The following WDR54 variants were observed in gnomAD, a reference collection of about 807,000 sequenced individuals.
The protein encoded by WDR54 is WD repeat-containing protein 54.
Under a neutral mutation model 44.1 loss-of-function variants are expected in WDR54, and 44 were observed. The ratio of observed to expected loss-of-function variants is 1.00; its 90% confidence interval spans 0.78 to 1.28. WDR54 has a LOEUF of 1.28. Ranked by LOEUF, WDR54 falls within the 50% of genes most tolerant of loss-of-function variation. WDR54 has a pLI of 0.00. For synonymous variants in WDR54, 169 were observed against 169.8 expected, an observed-to-expected ratio of 1.00 and a Z score of 0.04; for missense variants, 409 against 429.7, an observed-to-expected ratio of 0.95 and a Z score of 0.43.
intron 5 of WDR54, 64 bp from the exon 6 acceptor site, chr2:74,423,791 G>A (rs1414402180): frequency 1.3e-6 from 2 of 1,594,848 alleles, no homozygotes; most frequent in Non-Finnish European, 1.7e-6. Flanking sequence ...TAAGTGTTGA[G>A]TATGGTGGCT....
At chr2:74,424,010 G>T in intron 6 of WDR54, 28 bp downstream of exon 6, 1 of 1,613,434 alleles carries the variant, frequency 6.2e-7, no homozygotes, top group Non-Finnish European at 8.5e-7. Flanking sequence ...ACCCATCTGG[G>T]AGCCTTCCCC....
chr2:74,422,113 T>C, intron 1 of WDR54, 40 bp from the exon 2 acceptor site: 1 of 1,595,296 alleles, frequency 6.3e-7, no homozygotes, highest in Non-Finnish European at 8.6e-7. Context: ...GCTGCGTCTG[T>C]TTGTAGCGCG....
chr2:74,425,430 G>A lies in WDR54; in HGVS notation c.812G>A (p.Gly271Asp), dbSNP rs773792293. 1.9e-6 allele frequency: 3 copies of A among 1,614,216 alleles called. No homozygotes were observed. The Admixed American group carries it at 5.0e-5, about 27-fold the overall frequency. Residue 271 changes from glycine to aspartate, a missense_variant, in exon 9 of 10, where the codon GGT (glycine) becomes GAT (aspartate). By Grantham distance (94) the Gly-to-Asp change is moderately conservative. Transcript: ENST00000348227. ...CCTCCTCCACAGCTACTCTCTGCAG[G>A]TGAGGACACCTTTGTGCATATCTGG... The part of the protein sequence containing the change: ...ASEVGKLLSA[G>D]EDTFVHIWKL...
intron 8 of WDR54, 86 bp from the exon 9 acceptor site, chr2:74,425,331 C>G (rs986200786): frequency 6.3e-7 from 1 of 1,586,054 alleles, no homozygotes; most frequent in African/African-American, 1.3e-5. Flanking sequence ...CAGTGTAGCC[C>G]CCTCCCCTGG....
In WDR54 at chr2:74,423,339, C is replaced by T. The variant is rs1391237594; in HGVS notation, c.306C>T (p.Tyr102=). The T allele has an allele frequency of 6.2e-7, 1 of 1,614,020 alleles. No individual in the cohort carries two copies. The highest frequency in any genetic ancestry group is 1.7e-5 in the Admixed American group (1 of 60,030). The change falls in exon 4 of 10, where the codon TAC becomes TAT. Residue 102 remains tyrosine, a synonymous_variant. Coordinates refer to ENST00000348227, the MANE Select transcript of WDR54 (RefSeq NM_032118.4). ...RGIQMYESNG[Y]TMVYWHALDS... ...TCCAGATGTACGAGTCCAATGGCTACACCATGGTCTACTGGCATGCACTGG... is the reference window on the plus strand; with the variant it reads ...TCCAGATGTACGAGTCCAATGGCTATACCATGGTCTACTGGCATGCACTGG...
At position 74,425,433 on chromosome 2, in the gene WDR54, A is replaced by T; in HGVS notation, c.815A>T (p.Glu272Val). Residue 272 changes from glutamate (E) to valine (V), a missense_variant, in exon 9 of 10, where the codon GAG (glutamate) becomes GTG (valine). Coordinates refer to ENST00000348227, the MANE Select transcript of WDR54 (RefSeq NM_032118.4). ...SEVGKLLSAGEDTFVHIWKLS... is the reference protein window; with the variant it reads ...SEVGKLLSAGVDTFVHIWKLS... The stretch of plus-strand genomic sequence containing the variant: ...CCTCCACAGCTACTCTCTGCAGGTG[A>T]GGACACCTTTGTGCATATCTGGAAG... 1 of 1,614,148 alleles carries T rather than the reference A, an allele frequency of 6.2e-7. No homozygotes were observed. Among genetic ancestry groups the T allele is most frequent in the East Asian group, 2.2e-5 (1 of 44,878 alleles).
In WDR54 at chr2:74,422,161, G is replaced by T. The variant is rs1465961489; in HGVS notation, c.8G>T (p.Arg3Leu). 3 of 1,612,528 alleles carry T rather than the reference G, an allele frequency of 1.9e-6. No homozygotes were observed. Among genetic ancestry groups the T allele is most frequent in the African/African-American group, 1.3e-5 (1 of 75,016 alleles). MF[R>L]WERSIPLRGS... ...GCTGCACCCCCACACAGGATGTTCCGCTGGGAGCGCTCCATTCCCCTGCGA... is the reference window on the plus strand; with the variant it reads ...GCTGCACCCCCACACAGGATGTTCCTCTGGGAGCGCTCCATTCCCCTGCGA... Residue 3 changes from arginine to leucine, a missense_variant, in exon 2 of 10, where the codon CGC becomes CTC. Arg to Leu is a moderately radical substitution (Grantham distance 102, BLOSUM62 -2). Coordinates refer to ENST00000348227, the MANE Select transcript of WDR54 (RefSeq NM_032118.4).
intron 3 of WDR54, 119 bp downstream of exon 3, chr2:74,423,051 A>T: frequency 9.4e-7 from 1 of 1,067,692 alleles, no homozygotes; most frequent in Non-Finnish European, 1.4e-6. Context: ...TGGCCCACTC[A>T]CTCTTTTTCT....
chr2:74,422,084 G>T, intron 1 of WDR54, 69 bp from the exon 2 acceptor site: 2 of 1,511,604 alleles, frequency 1.3e-6, no homozygotes, highest in Non-Finnish European at 1.8e-6. Flanking sequence ...CTCGATGATA[G>T]CCGCCCTCGG....
intron 5 of WDR54, 24 bp downstream of exon 5, chr2:74,423,555 T>G (rs371934746): frequency 2.5e-6 from 4 of 1,613,078 alleles, no homozygotes; most frequent in Non-Finnish European, 3.4e-6. Flanking sequence ...GTGCAGGGCA[T>G]GGAGGGGTGC....
At chr2:74,422,518 G>T in intron 2 of WDR54, 143 bp downstream of exon 2, 1 of 1,056,082 alleles carries the variant, frequency 9.5e-7, no homozygotes. Flanking sequence ...TCTCCTGCCG[G>T]GCGCGGTGGC....
chr2:74,423,774 G>A (rs1180530488), intron 5 of WDR54, 81 bp from the exon 6 acceptor site: 2 of 1,573,982 alleles, frequency 1.3e-6, no homozygotes, highest in Admixed American at 1.8e-5. Flanking sequence ...AGGTTTCTGG[G>A]ATGGAGTAAG....
chr2:74,423,332 A>G lies in WDR54; in HGVS notation c.299A>G (p.Asn100Ser), dbSNP rs755226668. The G allele has an allele frequency of 4.0e-5, 65 of 1,613,772 alleles. No homozygotes were observed. In the African/African-American group the frequency reaches 5.7e-4, roughly 14 times the overall value. ...SHRGIQMYES[N>S]GYTMVYWHAL... ...CCGGTCTTCCAGATGTACGAGTCCA[A>G]TGGCTACACCATGGTCTACTGGCAT... Residue 100 changes from asparagine to serine, a missense_variant, in exon 4 of 10, where the codon AAT (asparagine) becomes AGT (serine). By Grantham distance (46) the Asn-to-Ser change is conservative. Transcript: ENST00000348227.
In WDR54 at chr2:74,422,218, G is replaced by A; in HGVS notation, c.65G>A (p.Ser22Asn). ...GSAAALCNNLSVLQLPARNLT... is the reference protein window; with the variant it reads ...GSAAALCNNLNVLQLPARNLT... ...GCCGCCGCCCTGTGCAACAACCTCAGTGTGCTGCAGCTGCCGGCTCGCAAC... is the reference window on the plus strand; with the variant it reads ...GCCGCCGCCCTGTGCAACAACCTCAATGTGCTGCAGCTGCCGGCTCGCAAC... Residue 22 changes from serine to asparagine, a missense_variant, in exon 2 of 10, where the codon AGT (serine) becomes AAT (asparagine). Physicochemically the swap from Ser to Asn is conservative, Grantham distance 46 (BLOSUM62 1). Coordinates refer to ENST00000348227, the MANE Select transcript of WDR54 (RefSeq NM_032118.4). 6.2e-7 allele frequency: 1 copy of A among 1,614,156 alleles called. No individual in the cohort carries two copies.
Position 74,422,962 on chromosome 2 carries a change from C to A in WDR54, c.285+30C>A. On this transcript the variant is annotated intron_variant, in intron 3 of 9. Coordinates refer to ENST00000348227, the MANE Select transcript of WDR54 (RefSeq NM_032118.4). ...GAAGAGGACTCTCCTGCTTGCCCCACCAGAGCCTTCTCAGCTTCCCTGCCA... is the reference window on the plus strand; with the variant it reads ...GAAGAGGACTCTCCTGCTTGCCCCAACAGAGCCTTCTCAGCTTCCCTGCCA... 1.2e-6 allele frequency: 2 copies of A among 1,611,136 alleles called. 1 individual carries two copies. Among genetic ancestry groups the A allele is most frequent in the South Asian group, 2.2e-5 (2 of 91,002 alleles).
intron 1 of WDR54, 74 bp from the exon 2 acceptor site, chr2:74,422,076 CGAT>C: frequency 6.8e-7 from 1 of 1,471,442 alleles, no homozygotes; most frequent in South Asian, 1.2e-5. Context: ...CCGAAATGCT[CGAT>C]GATAGCCGCC....
Position 74,425,171 on chromosome 2 carries a change from A to G in WDR54, c.732A>G (p.Leu244=), listed in dbSNP as rs769339343. The change falls in exon 8 of 10, where the codon CTA becomes CTG. Residue 244 remains leucine (L), a synonymous_variant. Coordinates refer to ENST00000348227, the MANE Select transcript of WDR54 (RefSeq NM_032118.4). ...VHLYEATTGN[L]HVQINAHARA... ...TATATGAGGCCACTACAGGAAATCT[A>G]CATGTCCAGATCAATGCCCATGCCC... is the stretch of plus-strand genomic sequence containing the variant. 4 of 1,549,844 alleles carry G rather than the reference A, an allele frequency of 2.6e-6. No homozygotes were observed. The highest frequency in any genetic ancestry group is 2.6e-6 in the Non-Finnish European group (3 of 1,144,496).
In WDR54 at chr2:74,422,857, C is replaced by A. The variant is rs190776385; in HGVS notation, c.223-13C>A. On this transcript the variant is annotated splice_polypyrimidine_tract_variant and intron_variant, in intron 2 of 9. Coordinates refer to ENST00000348227, the MANE Select transcript of WDR54 (RefSeq NM_032118.4). ...CTTTGATTTTCTCCCTACACTGATG[C>A]ACCTCCCTCCAGGTCCACTGGTGTG... is the stretch of plus-strand genomic sequence containing the variant. The A allele has an allele frequency of 1.7e-5, 28 of 1,612,742 alleles. No individual in the cohort carries two copies. Among genetic ancestry groups the A allele is most frequent in the Non-Finnish European group, 2.2e-5 (26 of 1,178,914 alleles).
intron 2 of WDR54, 33 bp from the exon 3 acceptor site, chr2:74,422,833 TTTGA>T: frequency 1.3e-6 from 2 of 1,528,572 alleles, no homozygotes; most frequent in Non-Finnish European, 1.8e-6. Flanking sequence ...TCTTCCCTGC[TTTGA>T]TTTTCTCCCT....
Sources: gnomAD v4.1 joint callset for allele counts on GRCh38, gnomAD v4.1.1 for gene constraint, MANE v1.5 for transcripts, NCBI Gene and HGNC (gene_info 2026-07-23, HGNC 2026-07-21) for gene names.